The following MAGI3 variants were observed in gnomAD, a reference collection of about 807,000 sequenced individuals.
MAGI3 encodes membrane associated guanylate kinase, WW and PDZ domain containing 3, also known as membrane-associated guanylate kinase, WW and PDZ domain-containing protein 3.
In MAGI3, 43 loss-of-function variants were observed where a neutral mutation model predicts 121.8. The ratio of observed to expected loss-of-function variants is 0.35; its 90% CI spans 0.28 to 0.46. The LOEUF is 0.46. Ranked by LOEUF, MAGI3 falls within the 20% of genes least tolerant of loss-of-function variation. MAGI3 has a pLI of 1.00. For missense variants in MAGI3, 1,547 were observed against 1,797.3 expected, an observed-to-expected ratio of 0.86 and a Z score of 2.52; for synonymous variants, 553 against 639.3, an observed-to-expected ratio of 0.86 and a Z score of 2.04.
At chr1:113,590,809 T>A in intron 5 of MAGI3, 151 bp downstream of exon 5, 1 of 697,176 alleles carries the variant, frequency 1.4e-6, no homozygotes, top group Admixed American at 3.3e-5. Flanking sequence ...TGACAGTTGA[T>A]TTTTAATCAG....
In MAGI3 at chr1:113,658,820, G is replaced by A. The variant is rs1653618687; in HGVS notation, c.2630-260G>A. Among the ~76,000 whole-genome samples the A allele has an allele frequency of 6.6e-6, 1 of 152,156 alleles. No homozygotes were observed. The highest frequency in any genetic ancestry group is 6.5e-5 in the Admixed American group (1 of 15,276). On this transcript the variant is annotated intron_variant, in intron 15 of 20. Transcript: ENST00000307546. This position sits in a 1 kb window ranked among gnomAD's most constrained non-coding sequence, Gnocchi z 4.0. ...GATGAGAATGTAAAAATTAGAAAAA[G>A]GTTTCTGGTAGGTAGAAAATAGCAA...
chr1:113,633,290 C>A (rs1651777208), intron 9 of MAGI3, among the ~76,000 whole-genome samples: 1 of 91,124 alleles, frequency 1.1e-5, no homozygotes, highest in Non-Finnish European at 1.9e-5. Flanking sequence ...GAGACGGAGT[C>A]TCGCTCTGTC....
chr1:113,570,520 C>G (rs536596514), intron 2 of MAGI3, among the ~76,000 whole-genome samples: 1 of 152,068 alleles, frequency 6.6e-6, no homozygotes, highest in Admixed American at 6.6e-5. Flanking sequence ...AGTGTAAAAA[C>G]GTTCCTATTT....
At chr1:113,413,601 G>A (rs1652127107) in intron 1 of MAGI3, among the ~76,000 whole-genome samples, 1 of 152,008 alleles carries the variant, frequency 6.6e-6, no homozygotes, top group South Asian at 2.1e-4. Flanking sequence ...CACATCCCTG[G>A]TAAGTTGGAT....
intron 1 of MAGI3, among the ~76,000 whole-genome samples, chr1:113,424,200 G>C (rs10458457): frequency 3.0e-3 from 405 of 135,562 alleles, no homozygotes; most frequent in Admixed American, 3.4e-3. Context: ...CACCCCCGCC[G>C]CCTGCCCCCC....
In MAGI3 at chr1:113,683,359, A is replaced by C; in HGVS notation, c.3791A>C (p.Lys1264Thr). The change falls in exon 21 of 21, where the codon AAA (lysine) becomes ACA (threonine). Residue 1264 changes from lysine to threonine, a missense_variant. Transcript: ENST00000307546. ...CTCAGCCCCAGCAAAGGGGAAAATA[A>C]AAGTTGTCAGGTCAGCACCAGGGCA... ...QSLSPSKGEN[K>T]SCQVSTRAGS... 2.5e-6 allele frequency: 4 copies of C among 1,614,016 alleles called. No homozygotes were observed. In the Admixed American group the frequency reaches 6.7e-5, roughly 27 times the overall value.
intron 2 of MAGI3, among the ~76,000 whole-genome samples, chr1:113,551,857 CTTTATATAATAATCT>C (rs1174563219): frequency 1.3e-5 from 2 of 151,710 alleles, no homozygotes; most frequent in Non-Finnish European, 2.9e-5. Context: ...ACCTTGATAC[CTTTATATAATAATCT>C]TTGTTCCTCC....
At chr1:113,654,654 T>C (rs1353736075) in intron 15 of MAGI3, among the ~76,000 whole-genome samples, 1 of 152,134 alleles carries the variant, frequency 6.6e-6, no homozygotes, top group Admixed American at 6.5e-5. Flanking sequence ...ATCAGTTCCA[T>C]GATCAAAGGA....
chr1:113,531,133 T>G lies in MAGI3; in HGVS notation c.317-18382T>G, dbSNP rs544163802. ...GTGCATCAGAGGCTAAACTGTGAGT[T>G]CTCCACTTTCTTTTTTTTTAAGTTA... On this transcript the variant is annotated intron_variant, in intron 1 of 20. Transcript: ENST00000307546. Among the ~76,000 whole-genome samples, 3 of 152,304 alleles carry G rather than the reference T, an allele frequency of 2.0e-5. No homozygotes were observed. In the South Asian group the frequency reaches 6.2e-4, roughly 32 times the overall value.
intron 1 of MAGI3, among the ~76,000 whole-genome samples, chr1:113,400,039 G>GT (rs1557735409): frequency 6.6e-6 from 1 of 152,056 alleles, no homozygotes; most frequent in Non-Finnish European, 1.5e-5. Context: ...TATAAAATGG[G>GT]TATATAAGAG....
In MAGI3 at chr1:113,631,987, G is replaced by A. The variant is rs192345105; in HGVS notation, c.1360+8993G>A. On this transcript the variant is annotated intron_variant, in intron 9 of 20. Coordinates refer to ENST00000307546, the MANE Select transcript of MAGI3 (RefSeq NM_001142782.2). Reference sequence around the variant, plus strand: ...AGAAAGATTTTAGTATTAATACTGAGGTTGCTTTTTGCAGTGTTTGCTAGA... The same window carrying A: ...AGAAAGATTTTAGTATTAATACTGAAGTTGCTTTTTGCAGTGTTTGCTAGA... Among the ~76,000 whole-genome samples the A allele has an allele frequency of 4.6e-5, 7 of 152,206 alleles. No homozygotes were observed. In the East Asian group the frequency reaches 9.7e-4, roughly 21 times the overall value.
At chr1:113,680,487 G>T (rs1464043810) in intron 19 of MAGI3, among the ~76,000 whole-genome samples, 3 of 152,154 alleles carry the variant, frequency 2.0e-5, no homozygotes, top group Non-Finnish European at 4.4e-5. Context: ...GCCGGGCGCG[G>T]TGGCTCACGC....
chr1:113,472,296 G>A (rs990145689), intron 1 of MAGI3, among the ~76,000 whole-genome samples: 34 of 150,312 alleles, frequency 2.3e-4, no homozygotes, highest in African/African-American at 6.4e-4. Flanking sequence ...TCCGCCTCCC[G>A]GGTTCACGCC....
intron 20 of MAGI3, chr1:113,682,176 T>TTTTA: frequency 5.1e-6 from 8 of 1,570,952 alleles, no homozygotes; most frequent in Non-Finnish European, 5.1e-6. Context: ...TTTTTTTTTT[T>TTTTA]CACATAGTCC....
rs142515442 is a variant in MAGI3 at position 113,431,016 on chromosome 1, G to T, written c.316+39667G>T. On this transcript the variant is annotated intron_variant, in intron 1 of 20. Coordinates refer to ENST00000307546, the MANE Select transcript of MAGI3 (RefSeq NM_001142782.2). ...AATAGATAACTACAAAAATGAATGA[G>T]CAGGAGACTAGGGAAGCTAGCGAGC... 1.4e-4 allele frequency among the ~76,000 whole-genome samples: 21 copies of T among 152,326 alleles called. No individual in the cohort carries two copies. The East Asian group carries it at 3.7e-3, about 27-fold the overall frequency.
At chr1:113,554,508 A>G (rs1287064298) in intron 2 of MAGI3, among the ~76,000 whole-genome samples, 2 of 152,018 alleles carry the variant, frequency 1.3e-5, no homozygotes, top group East Asian at 1.9e-4. Context: ...TACTTCTGCA[A>G]TGAAGTACCA....
intron 4 of MAGI3, 91 bp downstream of exon 4, chr1:113,585,687 A>C (rs1443122381): frequency 2.7e-6 from 3 of 1,098,950 alleles, no homozygotes; most frequent in Non-Finnish European, 3.9e-6. Flanking sequence ...TTTACAAAGC[A>C]TATGGAGAGC....
intron 1 of MAGI3, among the ~76,000 whole-genome samples, chr1:113,414,682 T>C (rs1457530539): frequency 6.6e-6 from 1 of 152,138 alleles, no homozygotes; most frequent in Non-Finnish European, 1.5e-5. Flanking sequence ...TAGTATTCTC[T>C]GATGGTAGTT....
intron 6 of MAGI3, among the ~76,000 whole-genome samples, chr1:113,605,254 A>T (rs2101760120): frequency 6.6e-6 from 1 of 152,198 alleles, no homozygotes; most frequent in East Asian, 1.9e-4. Flanking sequence ...ATATCTATCA[A>T]GAAGAGAATG....
Sources: gnomAD v4.1 joint callset for allele counts (sites outside exome capture counted in the v4.1 genomes callset) on GRCh38, gnomAD v4.1.1 for gene constraint, Gnocchi (gnomAD v3.1) non-coding constraint, MANE v1.5 for transcripts, NCBI Gene and HGNC (gene_info 2026-07-23, HGNC 2026-07-21) for gene names.